The following BBS2 variants were observed in gnomAD, a reference collection of about 807,000 sequenced individuals.
The protein encoded by BBS2 is Bardet-Biedl syndrome 2.
In BBS2, 62 loss-of-function variants were observed where a neutral mutation model predicts 83.0. The ratio of observed to expected loss-of-function variants is 0.75; its 90% confidence interval spans 0.61 to 0.92. BBS2 has a LOEUF of 0.92. Ranked by LOEUF, BBS2 falls within the 40% of genes least tolerant of loss-of-function variation. The pLI, the probability that BBS2 is intolerant of heterozygous loss-of-function variation, is 0.00. For missense variants in BBS2, 784 were observed against 901.0 expected, an observed-to-expected ratio of 0.87 and a Z score of 1.66; for synonymous variants, 303 against 326.1, an observed-to-expected ratio of 0.93 and a Z score of 0.76.
In BBS2 at chr16:56,514,617, G is replaced by A; in HGVS notation, c.181C>T (p.Pro61Ser). 1 of 1,614,008 alleles carries A rather than the reference G, an allele frequency of 6.2e-7. No homozygotes were observed. Among genetic ancestry groups the A allele is most frequent in the East Asian group, 2.2e-5 (1 of 44,882 alleles). Residue 61 changes from proline (P) to serine (S), a missense_variant, in exon 2 of 17, where the codon CCC becomes TCC. Transcript: ENST00000245157. Reference sequence around the variant, plus strand: ...AGAAGAGAAACATCAGATTCCAGGGGGCTCTGGAAGACCCTGGATGCACTG... The same window carrying A: ...AGAAGAGAAACATCAGATTCCAGGGAGCTCTGGAAGACCCTGGATGCACTG... ...HVSASRVFQS[P>S]LESDVSLLSI...
chr16:56,502,243 A>G, intron 9 of BBS2, 74 bp downstream of exon 9: 5 of 1,597,104 alleles, frequency 3.1e-6, no homozygotes, highest in African/African-American at 2.7e-5. Flanking sequence ...TCATTCTTCC[A>G]TATTTGCTGA....
intron 2 of BBS2, among the ~76,000 whole-genome samples, chr16:56,512,790 C>T (rs151179548): frequency 1.3e-5 from 2 of 152,298 alleles, no homozygotes; most frequent in African/African-American, 4.8e-5. Flanking sequence ...GATCCAAACT[C>T]ATTGAACTGT....
At position 56,499,789 on chromosome 16, in the gene BBS2, G is replaced by T; in HGVS notation, c.1516C>A (p.Arg506=). 1 of 1,614,086 alleles carries T rather than the reference G, an allele frequency of 6.2e-7. No individual in the cohort carries two copies. Residue 506 remains arginine (R), a synonymous_variant, in exon 12 of 17, where the codon CGG becomes AGG. Coordinates refer to ENST00000245157, the MANE Select transcript of BBS2 (RefSeq NM_031885.5). ...ISYVNFTIAE[R]AQRVVVWLGQ... is the part of the protein sequence containing the mutation. ...AGCGAGATACTCACCCTCTGTGCCC[G>T]TTCTGCAATGGTAAAGTTAACATAA...
At chr16:56,500,346 C>T (rs1964231869) in intron 11 of BBS2, 1 of 258,536 alleles carries the variant, frequency 3.9e-6, no homozygotes. Flanking sequence ...ATGATCTTAG[C>T]CAGGCGTGGT....
Position 56,509,934 on chromosome 16 carries a change from T to C in BBS2, c.612+23A>G, listed in dbSNP as rs1386162185. On this transcript the variant is annotated intron_variant, in intron 5 of 16. Transcript: ENST00000245157. ...TGATCTATCTTGCTCAAGGTTACCA[T>C]AGTTCGAGGTGGAGCTTCTTACCTC... The C allele has an allele frequency of 3.7e-6, 6 of 1,611,822 alleles. No individual in the cohort carries two copies. In the East Asian group the frequency reaches 6.7e-5, roughly 18 times the overall value.
intron 14 of BBS2, 104 bp downstream of exon 14, chr16:56,497,639 T>G: frequency 6.6e-7 from 1 of 1,517,724 alleles, no homozygotes; most frequent in Non-Finnish European, 9.1e-7. Flanking sequence ...GCAAAAATTC[T>G]TGAAAACATC....
intron 17 of BBS2, among the ~76,000 whole-genome samples, chr16:56,473,991 TAGAA>T (rs1373146949): frequency 6.6e-6 from 1 of 152,110 alleles, no homozygotes; most frequent in Non-Finnish European, 1.5e-5. Flanking sequence ...GTATTTTTAG[TAGAA>T]ACGGGGTTTT....
At chr16:56,488,868 G>A (rs1320206113) in intron 15 of BBS2, among the ~76,000 whole-genome samples, 2 of 152,192 alleles carry the variant, frequency 1.3e-5, no homozygotes, top group African/African-American at 4.8e-5. Context: ...TCACTTTGGA[G>A]AGCCTAAGAT....
chr16:56,497,698 T>G (rs1290700506), intron 14 of BBS2, 45 bp downstream of exon 14: 1 of 1,607,108 alleles, frequency 6.2e-7, no homozygotes, highest in Admixed American at 1.7e-5. Context: ...TCAAATATTA[T>G]TAGACTACCA....
chr16:56,508,387 T>G (rs2144171079), intron 5 of BBS2, among the ~76,000 whole-genome samples: 1 of 152,282 alleles, frequency 6.6e-6, no homozygotes, highest in South Asian at 2.1e-4. Flanking sequence ...AATCCCACCA[T>G]TCTGATCTCT....
At position 56,476,279 on chromosome 16, in the gene BBS2, G is replaced by A. The variant is rs1963473360; in HGVS notation, c.*1-5584C>T. On this transcript the variant is annotated intron_variant, in intron 17 of 17. Coordinates refer to the BBS2 transcript ENST00000682047. The stretch of plus-strand genomic sequence containing the variant: ...GAAGTCTGAAAGAGCTAAGCATGGA[G>A]TCAAGGAGAACTACATGGTAGCTTG... 10 of 1,420,606 alleles carry A rather than the reference G, an allele frequency of 7.0e-6. No homozygotes were observed. The South Asian group carries it at 1.1e-4, about 15-fold the overall frequency. The allele number at this position is 1,420,606 out of a possible 1,614,324, so 88.0% of individuals were successfully genotyped here. A position where few individuals can be genotyped will look rare whatever the true frequency, so the allele number is the denominator to read the frequency against.
At chr16:56,493,171 G>C (rs181658690) in intron 15 of BBS2, among the ~76,000 whole-genome samples, 2 of 152,146 alleles carry the variant, frequency 1.3e-5, no homozygotes, top group Admixed American at 1.3e-4. Flanking sequence ...AGGATCAGTA[G>C]ATCCCATGAG....
In BBS2 at chr16:56,488,899, G is replaced by C. The variant is rs561761414; in HGVS notation, c.1911-3161C>G. Among the ~76,000 whole-genome samples the C allele has an allele frequency of 5.9e-5, 9 of 152,272 alleles. No homozygotes were observed. In the East Asian group the frequency reaches 1.5e-3, roughly 26 times the overall value. On this transcript the variant is annotated intron_variant, in intron 15 of 16. Transcript: ENST00000245157. ...AAGATTTTAGGAGTTATTATGTCAGGAAACAGGGTTGAAGATCAAATATGT... is the reference window on the plus strand; with the variant it reads ...AAGATTTTAGGAGTTATTATGTCAGCAAACAGGGTTGAAGATCAAATATGT...
chr16:56,507,834 G>GGT (rs1964464582), intron 5 of BBS2, among the ~76,000 whole-genome samples: 1 of 152,128 alleles, frequency 6.6e-6, no homozygotes, highest in Non-Finnish European at 1.5e-5. Flanking sequence ...TGGGCGCGGT[G>GGT]GCAGGTGCCT....
intron 1 of BBS2, 48 bp from the exon 2 acceptor site, chr16:56,514,728 G>C: frequency 7.2e-7 from 1 of 1,394,294 alleles, no homozygotes; most frequent in Non-Finnish European, 9.9e-7. Flanking sequence ...TAAAAAATTA[G>C]TATCATACAT....
rs1186680592 is a variant in BBS2, at chr16:56,501,512, A to C, written c.1081-15T>G. Reference sequence around the variant, plus strand: ...GCCAATTCAGCCTGCAAAACACCCCACCCATTTCCTACTCAGTCACCAAAA... The same window carrying C: ...GCCAATTCAGCCTGCAAAACACCCCCCCCATTTCCTACTCAGTCACCAAAA... On this transcript the variant is annotated splice_polypyrimidine_tract_variant and intron_variant, in intron 9 of 16. Coordinates refer to ENST00000245157, the MANE Select transcript of BBS2 (RefSeq NM_031885.5). 6.2e-7 allele frequency: 1 copy of C among 1,614,098 alleles called. No homozygotes were observed. The highest frequency in any genetic ancestry group is 1.1e-5 in the South Asian group (1 of 91,084).
At chr16:56,479,527 A>G (rs1351109435), downstream of BBS2, among the ~76,000 whole-genome samples, 1 of 152,234 alleles carries the variant, frequency 6.6e-6, no homozygotes, top group African/African-American at 2.4e-5. Flanking sequence ...ACACATGCTC[A>G]TTGTGAGGTA....
chr16:56,515,213 C>A (rs113687442), intron 1 of BBS2, among the ~76,000 whole-genome samples: 10 of 152,266 alleles, frequency 6.6e-5, no homozygotes, highest in African/African-American at 2.4e-4. Flanking sequence ...ACAGTTTATA[C>A]CAGTGACATA....
At chr16:56,470,512 A>G in exon 18 of BBS2, 6 of 1,612,692 alleles carry the variant, frequency 3.7e-6, no homozygotes, top group Non-Finnish European at 5.1e-6. Context: ...TGAGGAGAGT[A>G]AGCTTCCTGA....
Sources: gnomAD v4.1 joint callset for allele counts (sites outside exome capture counted in the v4.1 genomes callset) on GRCh38, gnomAD v4.1.1 for gene constraint, MANE v1.5 for transcripts, NCBI Gene and HGNC (gene_info 2026-07-23, HGNC 2026-07-21) for gene names.